The following MACROD2 variants were observed in gnomAD, a reference collection of about 807,000 sequenced individuals.
MACROD2 encodes the protein ADP-ribose glycohydrolase MACROD2.
In MACROD2, 36 loss-of-function variants were observed where a neutral mutation model predicts 70.4. The observed-to-expected ratio is 0.51, with a 90% confidence interval of 0.39 to 0.68. MACROD2 has a LOEUF of 0.68. Ranked by LOEUF, MACROD2 falls within the 30% of genes least tolerant of loss-of-function variation. The pLI is 0.00. For missense variants in MACROD2, 496 were observed against 538.4 expected (o/e 0.92, Z 0.78); for synonymous variants, 172 against 178.8 (o/e 0.96, Z 0.30).
At chr20:15,544,958 T>C (rs1003794979) in intron 8 of MACROD2, among the ~76,000 whole-genome samples, 3 of 152,168 alleles carry the variant, frequency 2.0e-5, no homozygotes, top group Admixed American at 2.0e-4. Context: ...GGGCCCTGAG[T>C]ACTTTGGGAG....
At chr20:14,524,040 T>C (rs889324535) in intron 4 of MACROD2, among the ~76,000 whole-genome samples, 1 of 152,222 alleles carries the variant, frequency 6.6e-6, no homozygotes, top group Non-Finnish European at 1.5e-5. Flanking sequence ...CTCAGTCCTT[T>C]AAGGATGATA....
intron 5 of MACROD2, among the ~76,000 whole-genome samples, chr20:14,932,193 A>G (rs1315006225): frequency 6.6e-6 from 1 of 152,042 alleles, no homozygotes; most frequent in Non-Finnish European, 1.5e-5. Context: ...GAGAGAAGGG[A>G]GTTGCTGGGA....
At chr20:14,859,082 T>C (rs2073286308) in intron 5 of MACROD2, among the ~76,000 whole-genome samples, 1 of 151,626 alleles carries the variant, frequency 6.6e-6, no homozygotes, top group South Asian at 2.1e-4. Context: ...AAGGGGAAGG[T>C]TGGGAGGGGG....
At chr20:15,293,463 TCTG>T (rs1386647522) in intron 6 of MACROD2, among the ~76,000 whole-genome samples, 1 of 152,204 alleles carries the variant, frequency 6.6e-6, no homozygotes, top group Non-Finnish European at 1.5e-5. Flanking sequence ...TTCGGACACT[TCTG>T]CTGAATATAG....
chr20:14,959,188 G>A lies in MACROD2; in HGVS notation c.419-270752G>A, dbSNP rs146196384. On this transcript the variant is annotated intron_variant, in intron 5 of 17. Transcript: ENST00000684519. ...CTCTTGTTGCCCAGGCTGGAGTGCA[G>A]TAGCGCAATCTCGGCTCACTGCAAC... is the stretch of plus-strand genomic sequence containing the variant. 4.1e-3 allele frequency among the ~76,000 whole-genome samples: 624 copies of A among 152,254 alleles called. 4 individuals are homozygous for A. Among genetic ancestry groups the A allele is most frequent in the Middle Eastern group, 0.034 (10 of 294 alleles).
chr20:14,118,099 G>A (rs2054537623), intron 3 of MACROD2, among the ~76,000 whole-genome samples: 1 of 152,140 alleles, frequency 6.6e-6, no homozygotes, highest in Non-Finnish European at 1.5e-5. Context: ...TTAAGCTGTC[G>A]AGTTTGTGGC....
chr20:14,290,232 T>C (rs1313772640), intron 3 of MACROD2, among the ~76,000 whole-genome samples: 1 of 152,220 alleles, frequency 6.6e-6, no homozygotes, highest in African/African-American at 2.4e-5. Context: ...GCAGTTTACC[T>C]ATACAGCAAA....
At chr20:15,882,131 G>A (rs1220159952) in intron 9 of MACROD2, among the ~76,000 whole-genome samples, 2 of 152,064 alleles carry the variant, frequency 1.3e-5, no homozygotes, top group Admixed American at 6.6e-5. Context: ...CCCTCTGAAA[G>A]TTCACTAAAA....
At chr20:16,044,323 C>T (rs1331752793) in intron 16 of MACROD2, among the ~76,000 whole-genome samples, 3 of 152,048 alleles carry the variant, frequency 2.0e-5, no homozygotes, top group African/African-American at 7.2e-5. Context: ...CACCTCTCAC[C>T]AGGCCCCACC....
chr20:14,284,926 A>G (rs968454709), intron 3 of MACROD2, among the ~76,000 whole-genome samples: 5 of 152,212 alleles, frequency 3.3e-5, no homozygotes, highest in Non-Finnish European at 7.3e-5. Flanking sequence ...TCTTGATTAT[A>G]TGGCATCAGA....
At chr20:15,865,492 A>T (rs902777598) in intron 9 of MACROD2, among the ~76,000 whole-genome samples, 4 of 152,200 alleles carry the variant, frequency 2.6e-5, no homozygotes, top group African/African-American at 9.7e-5. Context: ...TCTTCATGAT[A>T]ACTCTAAGAA....
chr20:14,420,567 GT>G (rs1283994351), intron 3 of MACROD2, among the ~76,000 whole-genome samples: 1 of 152,094 alleles, frequency 6.6e-6, no homozygotes, highest in Non-Finnish European at 1.5e-5. Context: ...GAATTGAGCT[GT>G]TTGTTTTTCA....
intron 3 of MACROD2, among the ~76,000 whole-genome samples, chr20:14,213,543 A>G (rs2081589035): frequency 6.6e-6 from 1 of 151,798 alleles, no homozygotes; most frequent in African/African-American, 2.4e-5. Flanking sequence ...CATAGCAAGC[A>G]ACCTTGTTGA....
intron 5 of MACROD2, among the ~76,000 whole-genome samples, chr20:15,117,627 G>A (rs547435329): frequency 3.9e-5 from 6 of 152,232 alleles, no homozygotes; most frequent in South Asian, 2.1e-4. Context: ...TTGAGCATGC[G>A]TTGACCATCT....
intron 4 of MACROD2, among the ~76,000 whole-genome samples, chr20:14,632,869 T>A (rs1027325385): frequency 3.9e-5 from 6 of 152,234 alleles, no homozygotes; most frequent in African/African-American, 1.4e-4. Context: ...TAGGCATATA[T>A]TGAAAGTTCT....
chr20:15,597,973 A>G lies in MACROD2; in HGVS notation c.645+98126A>G, dbSNP rs113188761. Among the ~76,000 whole-genome samples, 983 of 152,216 alleles carry G rather than the reference A, an allele frequency of 6.5e-3. 10 individuals carry two copies. The highest frequency in any genetic ancestry group is 0.022 in the African/African-American group (921 of 41,544). On this transcript the variant is annotated intron_variant, in intron 8 of 17. Transcript: ENST00000684519. Reference sequence around the variant, plus strand: ...GGGTGCCTGTAATCCCAGCTGCTCCAGAGGCTGAGGCAGGAGAATTGCTTG... The same window carrying G: ...GGGTGCCTGTAATCCCAGCTGCTCCGGAGGCTGAGGCAGGAGAATTGCTTG...
At chr20:15,401,502 C>G (rs1270428581) in intron 6 of MACROD2, among the ~76,000 whole-genome samples, 1 of 152,116 alleles carries the variant, frequency 6.6e-6, no homozygotes, top group African/African-American at 2.4e-5. Flanking sequence ...TGGTTAAAAC[C>G]TGGAGCCAAA....
chr20:14,459,845 A>G (rs2084347490), intron 3 of MACROD2, among the ~76,000 whole-genome samples: 1 of 152,066 alleles, frequency 6.6e-6, no homozygotes, highest in South Asian at 2.1e-4. Flanking sequence ...CATCTACATT[A>G]GGTATTTCTC....
At chr20:14,352,505 A>T (rs893777402) in intron 3 of MACROD2, 3 of 152,136 alleles carry the variant, frequency 2.0e-5, no homozygotes, top group Non-Finnish European at 4.4e-5. Context: ...GGTAAAACTG[A>T]TGGTTTATAG....
Sources: allele counts gnomAD v4.1 joint callset (sites outside exome capture counted in the v4.1 genomes callset), GRCh38; gene constraint gnomAD v4.1.1; transcripts MANE v1.5; gene names NCBI Gene and HGNC (gene_info 2026-07-23, HGNC 2026-07-21).